Variants in KSR1 observed in about 807,000 individuals in gnomAD.
The protein encoded by KSR1 is kinase suppressor of ras 1, also known as kinase suppressor of ras.
A neutral mutation model predicts 92.9 loss-of-function variants in KSR1; 35 were observed. The ratio of observed to expected loss-of-function variants is 0.38; its 90% confidence interval spans 0.29 to 0.50. The LOEUF is 0.50. KSR1 is among the 20% of genes least tolerant of loss of function. The pLI is 0.94. For synonymous variants in KSR1, 467 were observed against 472.6 expected, an observed-to-expected ratio of 0.99 and a Z score of 0.15; for missense variants, 972 against 1,158.5, an observed-to-expected ratio of 0.84 and a Z score of 2.34.
chr17:27,530,543 C>CA (rs1335142121), intron 1 of KSR1, among the ~76,000 whole-genome samples: 1 of 152,156 alleles, frequency 6.6e-6, no homozygotes, highest in Admixed American at 6.5e-5. Flanking sequence ...GGATCGGCTC[C>CA]AAATAGTACG....
At chr17:27,550,251 G>A (rs1424876464) in intron 1 of KSR1, among the ~76,000 whole-genome samples, 2 of 152,248 alleles carry the variant, frequency 1.3e-5, no homozygotes, top group Middle Eastern at 3.2e-3. Flanking sequence ...TGTTGGCCAG[G>A]CTGGTAGGAA....
At chr17:27,532,339 G>C (rs1161634397) in intron 1 of KSR1, among the ~76,000 whole-genome samples, 1 of 152,200 alleles carries the variant, frequency 6.6e-6, no homozygotes, top group African/African-American at 2.4e-5. Flanking sequence ...TGGTAGCTGG[G>C]TCACCTGGGA....
At chr17:27,472,138 A>G (rs906108781) in intron 1 of KSR1, 6 of 151,880 alleles carry the variant, frequency 4.0e-5, no homozygotes, top group African/African-American at 1.5e-4. Context: ...GCCATGGGAA[A>G]CCCCCTTCTT....
At chr17:27,467,173 C>T (rs2019736720) in intron 1 of KSR1, among the ~76,000 whole-genome samples, 1 of 152,214 alleles carries the variant, frequency 6.6e-6, no homozygotes, top group South Asian at 2.1e-4. Flanking sequence ...GTGACTTGAA[C>T]CCAGGCAGTC....
chr17:27,526,443 A>C lies in KSR1; in HGVS notation c.232-24125A>C, dbSNP rs2070302225. 7 of 1,574,418 alleles carry C rather than the reference A, an allele frequency of 4.4e-6. No homozygotes were observed. In the South Asian group the frequency reaches 8.1e-5, roughly 18 times the overall value. ...AGGAAGCAGGCCATTCCTTGGTAAA[A>C]GTTTGTAGTTTTTTTTCCCAATACA... On this transcript the variant is annotated intron_variant, in intron 1 of 20. Transcript: ENST00000644974.
At chr17:27,487,639 C>T (rs1567755426) in intron 1 of KSR1, among the ~76,000 whole-genome samples, 1 of 151,160 alleles carries the variant, frequency 6.6e-6, no homozygotes, top group Non-Finnish European at 1.5e-5. Context: ...GCTGTACAAG[C>T]ATGGCTGTAC....
At chr17:27,533,467 T>C (rs1297863221) in intron 1 of KSR1, among the ~76,000 whole-genome samples, 5 of 151,668 alleles carry the variant, frequency 3.3e-5, no homozygotes, top group Admixed American at 6.6e-5. Flanking sequence ...CACTGCAACC[T>C]CTGCCTCCCG....
At chr17:27,539,064 G>A (rs1216091829) in intron 1 of KSR1, among the ~76,000 whole-genome samples, 2 of 152,208 alleles carry the variant, frequency 1.3e-5, no homozygotes, top group Non-Finnish European at 2.9e-5. Flanking sequence ...GATAGGTAAG[G>A]GGTTTGGCCC....
rs147365402 is a variant in KSR1, at chr17:27,535,942, G to A, written c.232-14626G>A. ...CTGTCCATTCTTTCTGTGGCGCACA[G>A]CAATGTGAGAGGGCCCTGTGGGGTC... On this transcript the variant is annotated intron_variant, in intron 1 of 20. Coordinates refer to ENST00000644974, the MANE Select transcript of KSR1 (RefSeq NM_001394583.1). 3.2e-3 allele frequency among the ~76,000 whole-genome samples: 483 copies of A among 152,366 alleles called. 2 individuals carry two copies. Among genetic ancestry groups the A allele is most frequent in the South Asian group, 7.5e-3 (36 of 4,828 alleles).
intron 1 of KSR1, among the ~76,000 whole-genome samples, chr17:27,469,453 G>A (rs967299403): frequency 7.2e-5 from 11 of 152,138 alleles, no homozygotes; most frequent in African/African-American, 2.7e-4. Flanking sequence ...GTAGGACATT[G>A]AGGCGTGCAT....
chr17:27,522,294 C>T (rs531942110), intron 1 of KSR1, among the ~76,000 whole-genome samples: 5 of 152,262 alleles, frequency 3.3e-5, no homozygotes, highest in African/African-American at 1.2e-4. Context: ...GAACTTGATC[C>T]TAGGAATACT....
At chr17:27,583,550 C>T (rs1455348722) in intron 4 of KSR1, among the ~76,000 whole-genome samples, 1 of 152,240 alleles carries the variant, frequency 6.6e-6, no homozygotes, top group Non-Finnish European at 1.5e-5. Flanking sequence ...CTGCGTACTC[C>T]TTCTTGGAAG....
chr17:27,550,520 G>T (rs768357351), intron 1 of KSR1, 48 bp from the exon 2 acceptor site: 11 of 758,618 alleles, frequency 1.5e-5, no homozygotes, highest in Middle Eastern at 2.3e-4. Context: ...CTGCCATATG[G>T]TTGGGCTGCA....
intron 1 of KSR1, among the ~76,000 whole-genome samples, chr17:27,549,104 G>A (rs528732984): frequency 4.6e-5 from 7 of 152,266 alleles, no homozygotes; most frequent in African/African-American, 9.6e-5. Context: ...TTTTGGATTC[G>A]AAATGCACAA....
At chr17:27,612,076 C>G (rs1404345382) in intron 18 of KSR1, among the ~76,000 whole-genome samples, 1 of 152,164 alleles carries the variant, frequency 6.6e-6, no homozygotes, top group East Asian at 1.9e-4. Flanking sequence ...CCACAGCAAA[C>G]TTGTTTTCAA....
intron 1 of KSR1, among the ~76,000 whole-genome samples, chr17:27,487,107 A>G (rs1394496764): frequency 6.6e-6 from 1 of 152,186 alleles, no homozygotes; most frequent in Non-Finnish European, 1.5e-5. Context: ...ATGTTGCTAT[A>G]CAGGACTACC....
chr17:27,570,240 G>T (rs2072253521), intron 2 of KSR1, among the ~76,000 whole-genome samples: 2 of 152,198 alleles, frequency 1.3e-5, no homozygotes. Flanking sequence ...GGGAAAAAGG[G>T]CTCACTTCAT....
At chr17:27,564,627 G>A (rs1411122666) in intron 2 of KSR1, among the ~76,000 whole-genome samples, 1 of 151,960 alleles carries the variant, frequency 6.6e-6, no homozygotes, top group African/African-American at 2.4e-5. Flanking sequence ...ATGAAGGGCT[G>A]TTTCCCTTGG....
At chr17:27,520,347 T>C (rs905841410) in intron 1 of KSR1, among the ~76,000 whole-genome samples, 2 of 152,218 alleles carry the variant, frequency 1.3e-5, no homozygotes, top group Non-Finnish European at 2.9e-5. Flanking sequence ...CTGTATGTTA[T>C]AGGCCAGACA....
Sources: gnomAD v4.1 joint callset for allele counts (sites outside exome capture counted in the v4.1 genomes callset) on GRCh38, gnomAD v4.1.1 for gene constraint, MANE v1.5 for transcripts, NCBI Gene and HGNC (gene_info 2026-07-23, HGNC 2026-07-21) for gene names.